Variants in XYLB observed in about 807,000 individuals in gnomAD.
The protein encoded by XYLB is xylulokinase.
A neutral mutation model predicts 78.7 loss-of-function variants in XYLB; 62 were observed. The ratio of observed to expected loss-of-function variants is 0.79; its 90% CI spans 0.64 to 0.97. XYLB has a LOEUF of 0.97. Among genes scored for constraint, XYLB ranks in the 50% least tolerant of loss-of-function variants. The pLI is 0.00. For missense variants in XYLB, 687 were observed against 676.8 expected, an observed-to-expected ratio of 1.02 and a Z score of -0.17; for synonymous variants, 245 against 247.4, an observed-to-expected ratio of 0.99 and a Z score of 0.09.
chr3:38,387,597 C>G (rs149740444), intron 15 of XYLB, among the ~76,000 whole-genome samples: 46 of 152,214 alleles, frequency 3.0e-4, no homozygotes, highest in African/African-American at 1.1e-3. Context: ...GTCTTGAACT[C>G]CTGACCTCAG....
chr3:38,372,712 G>A lies in XYLB; in HGVS notation c.823G>A (p.Val275Met). ...CGGATTTCCTCCAGGATGCAAAGTG[G>A]TGGCCTTCACTGGGGACAACCCAGG... ...RYGFPPGCKV[V>M]AFTGDNPASL... is the part of the protein sequence containing the mutation. The change falls in exon 10 of 19, where the codon GTG becomes ATG. Residue 275 changes from valine (V) to methionine (M), a missense_variant. Physicochemically the swap from Val to Met is conservative, Grantham distance 21. Coordinates refer to ENST00000207870, the MANE Select transcript of XYLB (RefSeq NM_005108.4). The A allele has an allele frequency of 1.2e-6, 2 of 1,614,118 alleles. No homozygotes were observed. The highest frequency in any genetic ancestry group is 1.7e-6 in the Non-Finnish European group (2 of 1,180,028).
chr3:38,433,791 G>A, the XYLB span, among the ~76,000 whole-genome samples: 1 of 152,134 alleles, frequency 6.6e-6, no homozygotes, highest in African/African-American at 2.4e-5. Flanking sequence ...ACATTTTCGT[G>A]TCTGCAAACC....
Position 38,360,041 on chromosome 3 carries a change from G to A in XYLB, c.141-298G>A, listed in dbSNP as rs145388478. Among the ~76,000 whole-genome samples the A allele has an allele frequency of 6.6e-5, 10 of 152,282 alleles. No individual in the cohort carries two copies. In the East Asian group the frequency reaches 1.5e-3, roughly 24 times the overall value. ...ACCTCTCCAAACCTATGGGGCTTGA[G>A]AGGGATTTTATAATCCAACACTGCA... On this transcript the variant is annotated intron_variant, in intron 2 of 18. Coordinates refer to ENST00000207870, the MANE Select transcript of XYLB (RefSeq NM_005108.4).
intron 8 of XYLB, 61 bp from the exon 9 acceptor site, chr3:38,369,995 T>C (rs756495213): frequency 3.4e-5 from 49 of 1,422,678 alleles, no homozygotes; most frequent in Non-Finnish European, 4.5e-5. Flanking sequence ...GCCAGATTTG[T>C]GCATTTTCAC....
At chr3:38,398,763 G>T (rs189519599) in intron 17 of XYLB, among the ~76,000 whole-genome samples, 2 of 148,110 alleles carry the variant, frequency 1.4e-5, no homozygotes, top group Middle Eastern at 3.5e-3. Flanking sequence ...AGTAGCTCAC[G>T]CCTGTAATCC....
rs1049042683 is a variant in XYLB at position 38,365,367 on chromosome 3, G to C, written c.378+82G>C. 18 of 1,497,110 alleles carry C rather than the reference G, an allele frequency of 1.2e-5. No homozygotes were observed. In the African/African-American group the frequency reaches 2.3e-4, roughly 19 times the overall value. The allele number at this position is 1,497,110 out of a possible 1,614,324, so 92.7% of individuals were successfully genotyped here. ...TGGGTCCTGAAGCCTGCTCATCTCA[G>C]TGTTGCAGCTGTGCTCACGCGCCCT... On this transcript the variant is annotated intron_variant, in intron 5 of 18. Transcript: ENST00000207870.
In XYLB at chr3:38,352,246, G is replaced by A. The variant is rs578183279; in HGVS notation, c.140+3614G>A. Among the ~76,000 whole-genome samples the A allele has an allele frequency of 1.1e-4, 16 of 151,206 alleles. No individual in the cohort carries two copies. In the East Asian group the frequency reaches 2.1e-3, roughly 20 times the overall value. On this transcript the variant is annotated intron_variant, in intron 2 of 18. Transcript: ENST00000207870. ...TTGAGACAGAGTCTGGCTCTGTCGC[G>A]CAGGCTGGAGTGCAGTGGCACGATC...
chr3:38,392,098 G>T (rs1235183348), intron 15 of XYLB, among the ~76,000 whole-genome samples: 1 of 152,132 alleles, frequency 6.6e-6, no homozygotes. Context: ...TGAGTGTAAG[G>T]GAGTGGAGGG....
At position 38,397,207 on chromosome 3, in the gene XYLB, G is replaced by A. The variant is rs771414933; in HGVS notation, c.1438+48G>A. On this transcript the variant is annotated intron_variant, in intron 17 of 18. Transcript: ENST00000207870. ...CTATCTCTGGAAGTGGCCAGGACATGGGGTGGGCTGAGGAGGGTGGAAAGG... is the reference window on the plus strand; with the variant it reads ...CTATCTCTGGAAGTGGCCAGGACATAGGGTGGGCTGAGGAGGGTGGAAAGG... 6 of 1,582,248 alleles carry A rather than the reference G, an allele frequency of 3.8e-6. No homozygotes were observed. The South Asian group carries it at 5.5e-5, about 15-fold the overall frequency.
Position 38,365,756 on chromosome 3 carries a change from G to T in XYLB, c.507+20G>T. 1 of 1,601,196 alleles carries T rather than the reference G, an allele frequency of 6.2e-7. No homozygotes were observed. The highest frequency in any genetic ancestry group is 8.5e-7 in the Non-Finnish European group (1 of 1,172,724). On this transcript the variant is annotated intron_variant, in intron 6 of 18. Coordinates refer to ENST00000207870, the MANE Select transcript of XYLB (RefSeq NM_005108.4). ...TATGAGGTAGGCTGAGGATGCGGGGGGTGCAGGGGGTGGTCTGGTTGCAAG... is the reference window on the plus strand; with the variant it reads ...TATGAGGTAGGCTGAGGATGCGGGGTGTGCAGGGGGTGGTCTGGTTGCAAG...
At chr3:38,441,690 G>C in the XYLB span, among the ~76,000 whole-genome samples, 2 of 152,290 alleles carry the variant, frequency 1.3e-5, no homozygotes, top group Non-Finnish European at 2.9e-5. Flanking sequence ...ACCATGAGTA[G>C]TCCAGACAGT....
chr3:38,394,521 G>A (rs1707788702), intron 15 of XYLB, among the ~76,000 whole-genome samples: 1 of 151,784 alleles, frequency 6.6e-6, no homozygotes, highest in African/African-American at 2.4e-5. Context: ...AGTTGTTTTT[G>A]TTATCTTATG....
chr3:38,426,594 G>A, the XYLB span, among the ~76,000 whole-genome samples: 3 of 152,196 alleles, frequency 2.0e-5, no homozygotes, highest in South Asian at 2.1e-4. Flanking sequence ...AATGATGACT[G>A]TGCTTTTAAT....
chr3:38,385,434 AT>A (rs1299174964), intron 15 of XYLB, among the ~76,000 whole-genome samples: 2 of 151,782 alleles, frequency 1.3e-5, no homozygotes, highest in Non-Finnish European at 2.9e-5. Flanking sequence ...TTAATTTCTA[AT>A]TTTATCTTTT....
chr3:38,355,570 T>C (rs571237572), intron 2 of XYLB, among the ~76,000 whole-genome samples: 132 of 152,350 alleles, frequency 8.7e-4, no homozygotes, highest in African/African-American at 3.1e-3. Context: ...TCCAAACTCA[T>C]TTCCCTTTCT....
chr3:38,440,163 C>T, the XYLB span, among the ~76,000 whole-genome samples: 9 of 152,168 alleles, frequency 5.9e-5, no homozygotes, highest in Non-Finnish European at 1.2e-4. Flanking sequence ...TTGAGGGGCA[C>T]TAATATGGTC....
At chr3:38,390,600 G>A (rs939808125) in intron 15 of XYLB, among the ~76,000 whole-genome samples, 1 of 152,136 alleles carries the variant, frequency 6.6e-6, no homozygotes, top group South Asian at 2.1e-4. Flanking sequence ...ACGGCTCATT[G>A]CAGCCTTGAA....
chr3:38,443,191 G>A, the XYLB span, among the ~76,000 whole-genome samples: 9 of 152,156 alleles, frequency 5.9e-5, no homozygotes, highest in Non-Finnish European at 8.8e-5. Context: ...TGAGAGGGCC[G>A]CACCAGTATC....
chr3:38,424,209 T>G (rs543271248), downstream of XYLB, among the ~76,000 whole-genome samples: 18 of 152,286 alleles, frequency 1.2e-4, no homozygotes, highest in South Asian at 4.1e-4. Context: ...CCTACTGGTG[T>G]TGTTGTTCAA....
Sources: gnomAD v4.1 joint callset for allele counts (sites outside exome capture counted in the v4.1 genomes callset) on GRCh38, gnomAD v4.1.1 for gene constraint, MANE v1.5 for transcripts, NCBI Gene and HGNC (gene_info 2026-07-23, HGNC 2026-07-21) for gene names.